Variants in CCDC30 observed in about 807,000 individuals in gnomAD.
CCDC30 encodes the protein coiled-coil domain-containing protein 30.
CCDC30 carries 70 observed loss-of-function variants against 100.2 expected under a neutral mutation model. The ratio of observed to expected loss-of-function variants is 0.70; its 90% CI spans 0.58 to 0.85. The LOEUF (loss-of-function observed/expected upper bound fraction) is 0.85. CCDC30 is among the 40% of genes least tolerant of loss of function. The pLI is 0.00. For synonymous variants in CCDC30, 233 were observed against 269.5 expected, an observed-to-expected ratio of 0.86 and a Z score of 1.33; for missense variants, 652 against 771.2, an observed-to-expected ratio of 0.85 and a Z score of 1.83.
At chr1:42,507,431 T>C (rs951674716) in intron 6 of CCDC30, among the ~76,000 whole-genome samples, 1 of 152,230 alleles carries the variant, frequency 6.6e-6, no homozygotes, top group Non-Finnish European at 1.5e-5. Flanking sequence ...GGTTTACACA[T>C]GGGATTTTTG....
At chr1:42,553,648 T>C (rs986312139) in intron 6 of CCDC30, among the ~76,000 whole-genome samples, 2 of 70,094 alleles carry the variant, frequency 2.9e-5, no homozygotes, top group African/African-American at 4.8e-5. Context: ...AAGGTGAGAT[T>C]CCATACACAC....
intron 11 of CCDC30, among the ~76,000 whole-genome samples, chr1:42,616,528 T>C (rs1438380594): frequency 3.9e-5 from 6 of 152,336 alleles, no homozygotes; most frequent in African/African-American, 1.4e-4. Flanking sequence ...GCAATGGTTA[T>C]TTTTTACGTT....
intron 6 of CCDC30, among the ~76,000 whole-genome samples, chr1:42,510,901 A>C (rs1462906308): frequency 6.6e-6 from 1 of 151,864 alleles, no homozygotes; most frequent in Non-Finnish European, 1.5e-5. Context: ...TCTTGTGAAG[A>C]TCTAGTAAAA....
Position 42,536,720 on chromosome 1 carries a change from C to T in CCDC30, c.457-29576C>T, listed in dbSNP as rs181911529. 7.8e-5 allele frequency: 55 copies of T among 703,746 alleles called. No individual in the cohort carries two copies. In the African/African-American group the frequency reaches 9.2e-4, roughly 12 times the overall value. The allele number at this position is 703,746 out of a possible 1,614,324, so 43.6% of individuals were successfully genotyped here. On this transcript the variant is annotated intron_variant, in intron 6 of 16. Coordinates refer to ENST00000668663, the Ensembl canonical transcript of CCDC30. ...CAGCTTGGGCTGCCATAACCAAACA[C>T]CACAGACTAGGTGGCTCAAAGAACA...
intron 12 of CCDC30, among the ~76,000 whole-genome samples, chr1:42,641,297 C>A (rs560573274): frequency 1.3e-5 from 2 of 151,324 alleles, no homozygotes; most frequent in African/African-American, 4.9e-5. Context: ...AGGCTGGTCT[C>A]AAACTCCTGG....
At chr1:42,456,155 G>A in the CCDC30 span, 6 of 657,396 alleles carry the variant, frequency 9.1e-6, no homozygotes, top group East Asian at 1.4e-4. Flanking sequence ...TATTGCTGAA[G>A]TTGGAAAAGG....
chr1:42,561,685 AT>A (rs1232939354), intron 6 of CCDC30, among the ~76,000 whole-genome samples: 2 of 152,196 alleles, frequency 1.3e-5, no homozygotes, highest in Non-Finnish European at 2.9e-5. Context: ...AGATGACATG[AT>A]TTTATATTTA....
intron 6 of CCDC30, among the ~76,000 whole-genome samples, chr1:42,535,248 G>A (rs914868339): frequency 6.6e-6 from 1 of 152,026 alleles, no homozygotes; most frequent in East Asian, 1.9e-4. Context: ...CCTTACTAAC[G>A]AATGAATGTA....
At chr1:42,475,510 T>C (rs1643872626) in intron 1 of CCDC30, among the ~76,000 whole-genome samples, 2 of 152,188 alleles carry the variant, frequency 1.3e-5, no homozygotes, top group Admixed American at 6.5e-5. Flanking sequence ...TGTGGGCATG[T>C]CATTTTAAAA....
intron 1 of CCDC30, chr1:42,472,990 G>T: frequency 1.3e-6 from 1 of 776,650 alleles, no homozygotes. Flanking sequence ...TAGCTTACTA[G>T]CTTTCTATTG....
At chr1:42,618,298 G>A (rs1361282387) in intron 11 of CCDC30, among the ~76,000 whole-genome samples, 2 of 144,304 alleles carry the variant, frequency 1.4e-5, no homozygotes, top group African/African-American at 5.2e-5. Flanking sequence ...GTGCAGTGGT[G>A]CCATCTCAGC....
In CCDC30 at chr1:42,511,938, C is replaced by T. The variant is rs1644484819; in HGVS notation, c.456+13022C>T. ...GTGAAGTGGGAAATCAGGTGTCTCA[C>T]AGCCTTCAGAGCTGACAGCCTTGAA... is the stretch of plus-strand genomic sequence containing the variant. On this transcript the variant is annotated intron_variant, in intron 6 of 16. Transcript: ENST00000668663. 2.0e-5 allele frequency among the ~76,000 whole-genome samples: 3 copies of T among 152,106 alleles called. No individual in the cohort carries two copies. In the South Asian group the frequency reaches 6.2e-4, roughly 32 times the overall value.
chr1:42,514,620 T>C (rs540752861), intron 6 of CCDC30, among the ~76,000 whole-genome samples: 1 of 152,314 alleles, frequency 6.6e-6, no homozygotes, highest in South Asian at 2.1e-4. Flanking sequence ...AGGAGCTCTT[T>C]ATATATTTTG....
chr1:42,656,368 C>T (rs376832513), downstream of CCDC30, among the ~76,000 whole-genome samples: 68 of 152,278 alleles, frequency 4.5e-4, no homozygotes, highest in South Asian at 2.7e-3. Context: ...CGGTGGCTCA[C>T]GCCTATAATC....
At chr1:42,632,253 G>T (rs2148670707) in intron 11 of CCDC30, among the ~76,000 whole-genome samples, 1 of 152,268 alleles carries the variant, frequency 6.6e-6, no homozygotes, top group Middle Eastern at 3.4e-3. Flanking sequence ...CTTAGGGTAT[G>T]TCCAGGAGCT....
chr1:42,537,128 G>A, intron 6 of CCDC30: 1 of 450,244 alleles, frequency 2.2e-6, no homozygotes, highest in Admixed American at 2.4e-5. Flanking sequence ...TCTCCAAGCT[G>A]AGTTCTAGCA....
chr1:42,489,633 C>G (rs1644106150), intron 3 of CCDC30, among the ~76,000 whole-genome samples: 1 of 152,092 alleles, frequency 6.6e-6, no homozygotes, highest in African/African-American at 2.4e-5. Flanking sequence ...AGGGATAAAA[C>G]CTGAAGTAGA....
At chr1:42,637,158 C>G (rs1647176665) in intron 11 of CCDC30, 79 bp from the exon 16 acceptor site, 1 of 1,151,290 alleles carries the variant, frequency 8.7e-7, no homozygotes, top group Non-Finnish European at 1.2e-6. Context: ...AGAGGACACC[C>G]AAGAAAGGTG....
chr1:42,587,025 T>C (rs1351758204), intron 9 of CCDC30, among the ~76,000 whole-genome samples: 1 of 152,092 alleles, frequency 6.6e-6, no homozygotes, highest in East Asian at 1.9e-4. Context: ...AGAGATGGGG[T>C]CTCACTCTGT....
Sources: gnomAD v4.1 joint callset for allele counts (sites outside exome capture counted in the v4.1 genomes callset) on GRCh38, gnomAD v4.1.1 for gene constraint, MANE v1.5 for transcripts, NCBI Gene and HGNC (gene_info 2026-07-23, HGNC 2026-07-21) for gene names.